The following TAF10 variants were observed in gnomAD, a reference collection of about 807,000 sequenced individuals.
TAF10 encodes TATA-box binding protein associated factor 10.
Under a neutral mutation model 18.1 loss-of-function variants are expected in TAF10, and 2 were observed. The observed-to-expected ratio is 0.11, with a 90% CI of 0.05 to 0.35. The LOEUF is 0.35. Among genes scored for constraint, TAF10 ranks in the 10% least tolerant of loss-of-function variants. The pLI, the probability that TAF10 is intolerant of heterozygous loss-of-function variation, is 1.00. For synonymous variants in TAF10, 158 were observed against 134.6 expected (o/e 1.17, Z -1.20); for missense variants, 293 against 306.9 (o/e 0.95, Z 0.34).
chr11:6,609,995 T>C lies in TAF10; in HGVS notation c.*927A>G. The C allele has an allele frequency of 1.2e-6, 2 of 1,614,220 alleles. No individual in the cohort carries two copies. The highest frequency in any genetic ancestry group is 1.7e-6 in the Non-Finnish European group (2 of 1,180,046). ...CTGATGTCAAGTTCTCTTTCCAATG[T>C]CCTGGTCGCATGTATGCACCTGCCT... On this transcript the variant is annotated 3_prime_UTR_variant, in exon 5 of 5. Transcript: ENST00000299424.
rs1855167580 is a variant in TAF10 at position 6,608,513 on chromosome 11, T to G, written c.*2409A>C. ...AGGTGAGTACTCAGCCCTTAATTCCTGAGATGGGTAGGAAGTAAAGTCTGA... is the reference window on the plus strand; with the variant it reads ...AGGTGAGTACTCAGCCCTTAATTCCGGAGATGGGTAGGAAGTAAAGTCTGA... On this transcript the variant is annotated 3_prime_UTR_variant, in exon 5 of 5. Coordinates refer to ENST00000299424, the MANE Select transcript of TAF10 (RefSeq NM_006284.4). This position sits in a 1 kb window ranked among gnomAD's most constrained non-coding sequence, Gnocchi z 4.9. The G allele has an allele frequency of 4.4e-6, 7 of 1,582,138 alleles. No homozygotes were observed. The East Asian group carries it at 1.6e-4, about 35-fold the overall frequency.
rs768791411 is a variant in TAF10, at chr11:6,608,736, T to C, written c.*2186A>G. 1 of 1,614,104 alleles carries C rather than the reference T, an allele frequency of 6.2e-7. No homozygotes were observed. The highest frequency in any genetic ancestry group is 8.5e-7 in the Non-Finnish European group (1 of 1,180,002). ...GGCCCTTGTCAGCATCTGTAACAAG[T>C]ATGGAGAGATGCCTGTGGACAAAGC... On this transcript the variant is annotated 3_prime_UTR_variant, in exon 5 of 5. Coordinates refer to ENST00000299424, the MANE Select transcript of TAF10 (RefSeq NM_006284.4). The surrounding 1 kb of genome is among the most constrained non-coding windows in gnomAD (Gnocchi z 4.9).
rs1236862935 is a variant in TAF10 at position 6,609,582 on chromosome 11, C to G, written c.*1340G>C. On this transcript the variant is annotated 3_prime_UTR_variant, in exon 5 of 5. Coordinates refer to ENST00000299424, the MANE Select transcript of TAF10 (RefSeq NM_006284.4). Reference sequence around the variant, plus strand: ...GTCTCCACCTGCTCCTCATCCTACTCTCATCACACACTGGATGCCGTATGG... The same window carrying G: ...GTCTCCACCTGCTCCTCATCCTACTGTCATCACACACTGGATGCCGTATGG... 3 of 1,614,178 alleles carry G rather than the reference C, an allele frequency of 1.9e-6. No homozygotes were observed.
In TAF10 at chr11:6,611,223, C is replaced by T; in HGVS notation, c.533G>A (p.Gly178Asp). Reference sequence around the variant, plus strand: ...GCTCCGGGAGCTGCCGGAGGCCGTGCCCTTCATTTTGCAGTGCTGTAGGGC... The same window carrying T: ...GCTCCGGGAGCTGCCGGAGGCCGTGTCCTTCATTTTGCAGTGCTGTAGGGC... ...NDALQHCKMKGTASGSSRSKS... is the reference protein window; with the variant it reads ...NDALQHCKMKDTASGSSRSKS... Residue 178 changes from glycine to aspartate, a missense_variant, in exon 4 of 5, where the codon GGC becomes GAC. Gly to Asp is a moderately conservative substitution (Grantham distance 94). Transcript: ENST00000299424. 6.2e-7 allele frequency: 1 copy of T among 1,614,110 alleles called. No homozygotes were observed. The highest frequency in any genetic ancestry group is 8.5e-7 in the Non-Finnish European group (1 of 1,180,038).
In TAF10 at chr11:6,606,825, C is replaced by T. The variant is rs917791427; in HGVS notation, c.*4097G>A. Reference sequence around the variant, plus strand: ...GCCCCCCGAGTTTGGCCTGCCCTGGCGCCACAGGCAGTACTGGAAGCTGAT... The same window carrying T: ...GCCCCCCGAGTTTGGCCTGCCCTGGTGCCACAGGCAGTACTGGAAGCTGAT... On this transcript the variant is annotated 3_prime_UTR_variant, in exon 5 of 5. Coordinates refer to ENST00000299424, the MANE Select transcript of TAF10 (RefSeq NM_006284.4). 1 of 152,108 alleles carries T rather than the reference C, an allele frequency of 6.6e-6. No individual in the cohort carries two copies. The highest frequency in any genetic ancestry group is 1.5e-5 in the Non-Finnish European group (1 of 68,040). The allele number at this position is 152,108 out of a possible 1,614,324, so 9.4% of individuals were successfully genotyped here.
Position 6,610,911 on chromosome 11 carries a change from G to A in TAF10, c.*11C>T. On this transcript the variant is annotated 3_prime_UTR_variant, in exon 5 of 5. Coordinates refer to ENST00000299424, the MANE Select transcript of TAF10 (RefSeq NM_006284.4). The stretch of plus-strand genomic sequence containing the variant: ...ACATGGGGACAGATAAGTACATTTA[G>A]GTTGGGTGGCTCAGGTGAAGTAGTG... The A allele has an allele frequency of 6.2e-7, 1 of 1,614,050 alleles. No individual in the cohort carries two copies. The highest frequency in any genetic ancestry group is 8.5e-7 in the Non-Finnish European group (1 of 1,179,884).
At position 6,609,757 on chromosome 11, in the gene TAF10, T is replaced by C. The variant is rs755535703; in HGVS notation, c.*1165A>G. Reference sequence around the variant, plus strand: ...GTGGACCAGAGCCAGGCTGTGAAGTTTGCTTTGGACATGGCAAGGGGCATG... The same window carrying C: ...GTGGACCAGAGCCAGGCTGTGAAGTCTGCTTTGGACATGGCAAGGGGCATG... On this transcript the variant is annotated 3_prime_UTR_variant, in exon 5 of 5. Transcript: ENST00000299424. 1 of 1,614,190 alleles carries C rather than the reference T, an allele frequency of 6.2e-7. No homozygotes were observed. The highest frequency in any genetic ancestry group is 1.1e-5 in the South Asian group (1 of 91,080).
Position 6,609,090 on chromosome 11 carries a change from A to G in TAF10, c.*1832T>C. On this transcript the variant is annotated 3_prime_UTR_variant, in exon 5 of 5. Transcript: ENST00000299424. The stretch of plus-strand genomic sequence containing the variant: ...TCTTAGGAAATGGAACCCTGAACAA[A>G]CACTCTGGCATTGACTTCAAACAGC... 6.2e-7 allele frequency: 1 copy of G among 1,614,164 alleles called. No individual in the cohort carries two copies. The highest frequency in any genetic ancestry group is 8.5e-7 in the Non-Finnish European group (1 of 1,180,012).
chr11:6,612,198 T>C lies in TAF10; in HGVS notation c.-9A>G. On this transcript the variant is annotated 5_prime_UTR_variant, in exon 1 of 5. Coordinates refer to ENST00000299424, the MANE Select transcript of TAF10 (RefSeq NM_006284.4). Reference sequence around the variant, plus strand: ...GAGCCGCTGCAGCTCATCGGGCCGGTGGGAGAGGCGGCGAACAGAGCCGCT... The same window carrying C: ...GAGCCGCTGCAGCTCATCGGGCCGGCGGGAGAGGCGGCGAACAGAGCCGCT... 8.1e-7 allele frequency: 1 copy of C among 1,237,484 alleles called. No individual in the cohort carries two copies. The highest frequency in any genetic ancestry group is 1.0e-6 in the Non-Finnish European group (1 of 980,312). 76.7% of individuals were successfully genotyped at this position (1,237,484 alleles called of 1,614,324 possible).
In TAF10 at chr11:6,612,183, A is replaced by C; in HGVS notation, c.7T>G (p.Cys3Gly). 5 of 1,215,146 alleles carry C rather than the reference A, an allele frequency of 4.1e-6. No individual in the cohort carries two copies. Among genetic ancestry groups the C allele is most frequent in the Non-Finnish European group, 5.1e-6 (5 of 970,898 alleles). 75.3% of individuals were successfully genotyped at this position (1,215,146 alleles called of 1,614,324 possible). Residue 3 changes from cysteine to glycine, a missense_variant, in exon 1 of 5, where the codon TGC becomes GGC. Physicochemically the swap from Cys to Gly is radical, Grantham distance 159. Coordinates refer to ENST00000299424, the MANE Select transcript of TAF10 (RefSeq NM_006284.4). MS[C>G]SGSGADPEAA... Reference sequence around the variant, plus strand: ...TCGGGGTCCGCGCCGGAGCCGCTGCAGCTCATCGGGCCGGTGGGAGAGGCG... The same window carrying C: ...TCGGGGTCCGCGCCGGAGCCGCTGCCGCTCATCGGGCCGGTGGGAGAGGCG...
chr11:6,608,221 A>G lies in TAF10; in HGVS notation c.*2701T>C, dbSNP rs757579795. On this transcript the variant is annotated 3_prime_UTR_variant, in exon 5 of 5. Transcript: ENST00000299424. This position sits in a 1 kb window ranked among gnomAD's most constrained non-coding sequence, Gnocchi z 4.9. ...TGATATTGTACAGAAGGTACGTACAAACTCCTTCGTCATCCACATCACATA... is the reference window on the plus strand; with the variant it reads ...TGATATTGTACAGAAGGTACGTACAGACTCCTTCGTCATCCACATCACATA... 3 of 1,614,118 alleles carry G rather than the reference A, an allele frequency of 1.9e-6. No individual in the cohort carries two copies. In the East Asian group the frequency reaches 6.7e-5, roughly 36 times the overall value.
Position 6,607,812 on chromosome 11 carries a change from G to A in TAF10, c.*3110C>T, listed in dbSNP as rs2255538. 0.23 allele frequency: 130,613 copies of A among 557,380 alleles called. 16,205 individuals carry two copies. Among genetic ancestry groups the A allele is most frequent in the Non-Finnish European group, 0.26 (80,126 of 309,972 alleles). The allele number at this position is 557,380 out of a possible 1,614,324, so 34.5% of individuals were successfully genotyped here. Reference sequence around the variant, plus strand: ...CTAAGGAAATGAGATGTGGGATATGGTGAAGATAACACATTTTTTTATAGA... The same window carrying A: ...CTAAGGAAATGAGATGTGGGATATGATGAAGATAACACATTTTTTTATAGA... On this transcript the variant is annotated 3_prime_UTR_variant, in exon 5 of 5. Coordinates refer to ENST00000299424, the MANE Select transcript of TAF10 (RefSeq NM_006284.4).
rs531302822 is a variant in TAF10, at chr11:6,606,666, A to G, written c.*4256T>C. 3.9e-5 allele frequency: 6 copies of G among 152,376 alleles called. No homozygotes were observed. The East Asian group carries it at 1.2e-3, about 29-fold the overall frequency. The allele number at this position is 152,376 out of a possible 1,614,324, so 9.4% of individuals were successfully genotyped here. ...GTGGTGCTGGTTTGAGGAGTAAAGT[A>G]TGGGGGCCAAAGTTGGCTATATGCT... On this transcript the variant is annotated 3_prime_UTR_variant, in exon 5 of 5. Transcript: ENST00000299424.
In TAF10 at chr11:6,608,746, T is replaced by A; in HGVS notation, c.*2176A>T. The A allele has an allele frequency of 6.2e-7, 1 of 1,614,176 alleles. No individual in the cohort carries two copies. Among genetic ancestry groups the A allele is most frequent in the Non-Finnish European group, 8.5e-7 (1 of 1,180,000 alleles). On this transcript the variant is annotated 3_prime_UTR_variant, in exon 5 of 5. Coordinates refer to ENST00000299424, the MANE Select transcript of TAF10 (RefSeq NM_006284.4). This position sits in a 1 kb window ranked among gnomAD's most constrained non-coding sequence, Gnocchi z 4.9. The stretch of plus-strand genomic sequence containing the variant: ...AGCATCTGTAACAAGTATGGAGAGA[T>A]GCCTGTGGACAAAGCCAAGGCACCC...
chr11:6,611,450 G>C lies in TAF10; in HGVS notation c.390C>G (p.Ile130Met). 1 of 1,614,130 alleles carries C rather than the reference G, an allele frequency of 6.2e-7. No individual in the cohort carries two copies. The change falls in exon 3 of 5, where the codon ATC becomes ATG. Residue 130 changes from isoleucine to methionine, a missense_variant and splice_region_variant. Physicochemically the swap from Ile to Met is conservative, Grantham distance 10 (BLOSUM62 1). Transcript: ENST00000299424. ...GGTAGTAACCAGTCACTGCATCTGG[G>C]ATCTGAGAAATCAATTAAGAGAACT... is the stretch of plus-strand genomic sequence containing the variant. ...LMQLEDYTPT[I>M]PDAVTGYYLN...
Position 6,611,193 on chromosome 11 carries a change from C to G in TAF10, c.563G>C (p.Ser188Thr), listed in dbSNP as rs747064660. 11 of 1,613,950 alleles carry G rather than the reference C, an allele frequency of 6.8e-6. No individual in the cohort carries two copies. The highest frequency in any genetic ancestry group is 1.7e-5 in the Admixed American group (1 of 60,028). Residue 188 changes from serine (S) to threonine (T), a missense_variant, in exon 4 of 5, where the codon AGC becomes ACC. Ser to Thr is a moderately conservative substitution (Grantham distance 58). Coordinates refer to ENST00000299424, the MANE Select transcript of TAF10 (RefSeq NM_006284.4). ...GTASGSSRSK[S>T]KDRKYTLTME... is the part of the protein sequence containing the mutation. Reference sequence around the variant, plus strand: ...TCATTAAGCCTCCCCTCACACCTTGCTCTTGCTCCGGGAGCTGCCGGAGGC... The same window carrying G: ...TCATTAAGCCTCCCCTCACACCTTGGTCTTGCTCCGGGAGCTGCCGGAGGC...
Position 6,609,152 on chromosome 11 carries a change from G to C in TAF10, c.*1770C>G. ...ACGAAGCTCAACGAGAATCACTCTG[G>C]AGAGGTGACCCCTGCCCTTCTTGCC... On this transcript the variant is annotated 3_prime_UTR_variant, in exon 5 of 5. Coordinates refer to ENST00000299424, the MANE Select transcript of TAF10 (RefSeq NM_006284.4). 1 of 1,613,762 alleles carries C rather than the reference G, an allele frequency of 6.2e-7. No homozygotes were observed. Among genetic ancestry groups the C allele is most frequent in the African/African-American group, 1.3e-5 (1 of 75,032 alleles).
Position 6,608,211 on chromosome 11 carries a change from G to A in TAF10, c.*2711C>T. ...ATGGACACCGTGATATTGTACAGAAGGTACGTACAAACTCCTTCGTCATCC... is the reference window on the plus strand; with the variant it reads ...ATGGACACCGTGATATTGTACAGAAAGTACGTACAAACTCCTTCGTCATCC... On this transcript the variant is annotated 3_prime_UTR_variant, in exon 5 of 5. Transcript: ENST00000299424. The surrounding 1 kb of genome is among the most constrained non-coding windows in gnomAD (Gnocchi z 4.9). The A allele has an allele frequency of 6.2e-7, 1 of 1,614,158 alleles. No homozygotes were observed. Among genetic ancestry groups the A allele is most frequent in the Non-Finnish European group, 8.5e-7 (1 of 1,180,008 alleles).
In TAF10 at chr11:6,610,875, C is replaced by T. The variant is rs767916266; in HGVS notation, c.*47G>A. ...CAATAAAGTTTATTATGAAAACAGG[C>T]TGGTGTGGGGACATGGGGACAGATA... is the stretch of plus-strand genomic sequence containing the variant. On this transcript the variant is annotated 3_prime_UTR_variant, in exon 5 of 5. Transcript: ENST00000299424. The T allele has an allele frequency of 3.1e-6, 5 of 1,595,564 alleles. No homozygotes were observed. The highest frequency in any genetic ancestry group is 4.3e-6 in the Non-Finnish European group (5 of 1,163,358).
Sources: gnomAD v4.1 joint callset for allele counts on GRCh38, gnomAD v4.1.1 for gene constraint, Gnocchi (gnomAD v3.1) non-coding constraint, MANE v1.5 for transcripts, NCBI Gene and HGNC (gene_info 2026-07-23, HGNC 2026-07-21) for gene names.